The following CADM2 variants were observed in gnomAD, a reference collection of about 807,000 sequenced individuals.
The protein encoded by CADM2 is immunoglobulin superfamily member 4D.
CADM2 carries 12 observed loss-of-function variants against 49.8 expected under a neutral mutation model. The ratio of observed to expected loss-of-function variants is 0.24; its 90% CI spans 0.15 to 0.39. CADM2 has a LOEUF of 0.39. Among genes scored for constraint, CADM2 ranks in the 10% least tolerant of loss-of-function variants. CADM2 has a pLI of 1.00. For missense variants in CADM2, 378 were observed against 492.3 expected, an observed-to-expected ratio of 0.77 and a Z score of 2.20; for synonymous variants, 214 against 175.4, an observed-to-expected ratio of 1.22 and a Z score of -1.74.
chr3:85,468,205 C>G (rs1213060995), intron 1 of CADM2, among the ~76,000 whole-genome samples: 1 of 142,018 alleles, frequency 7.0e-6, no homozygotes, highest in African/African-American at 2.7e-5. Context: ...AAACTAATAT[C>G]GATTCCTGGC....
At chr3:85,651,284 T>C (rs2065035463) in intron 1 of CADM2, among the ~76,000 whole-genome samples, 2 of 152,124 alleles carry the variant, frequency 1.3e-5, no homozygotes, top group South Asian at 4.1e-4. Flanking sequence ...TTTGTTGATG[T>C]TGTAGGTCAA....
chr3:85,688,167 C>T (rs147827394), intron 1 of CADM2, among the ~76,000 whole-genome samples: 1 of 152,238 alleles, frequency 6.6e-6, no homozygotes, highest in Non-Finnish European at 1.5e-5. Context: ...CTTGATTTCA[C>T]AGAGAGCCAA....
At chr3:85,247,074 G>A (rs766611840) in intron 1 of CADM2, among the ~76,000 whole-genome samples, 3 of 151,922 alleles carry the variant, frequency 2.0e-5, no homozygotes, top group Non-Finnish European at 4.4e-5. Flanking sequence ...AAAATTAGGA[G>A]CTTATTGTTA....
At chr3:85,511,830 G>A (rs1315033629) in intron 1 of CADM2, 1 of 964,568 alleles carries the variant, frequency 1.0e-6, no homozygotes, top group East Asian at 1.1e-4. Context: ...TGAAACTAAT[G>A]GCATGTTTTA....
intron 7 of CADM2, among the ~76,000 whole-genome samples, chr3:85,960,133 CTT>C (rs1185947959): frequency 6.6e-6 from 1 of 151,896 alleles, no homozygotes; most frequent in African/African-American, 2.4e-5. Context: ...TACTTAAACA[CTT>C]GATCAGTTCC....
intron 1 of CADM2, among the ~76,000 whole-genome samples, chr3:85,519,192 A>G (rs555386343): frequency 8.5e-5 from 13 of 152,274 alleles, no homozygotes; most frequent in Admixed American, 7.9e-4. Flanking sequence ...TTGTTTGGAA[A>G]TGATGGCAGT....
chr3:85,123,579 T>A (rs1323442129), intron 1 of CADM2, among the ~76,000 whole-genome samples: 2 of 152,106 alleles, frequency 1.3e-5, no homozygotes, highest in Non-Finnish European at 2.9e-5. Flanking sequence ...AGTGGATGAT[T>A]TTCTTTCCCT....
intron 1 of CADM2, among the ~76,000 whole-genome samples, chr3:85,014,119 T>C (rs2034137441): frequency 6.8e-6 from 1 of 147,442 alleles, no homozygotes; most frequent in Admixed American, 6.9e-5. Flanking sequence ...ATACGCAGTG[T>C]AATATTGTAT....
At chr3:85,326,041 G>T (rs797009533) in intron 1 of CADM2, among the ~76,000 whole-genome samples, 5 of 152,272 alleles carry the variant, frequency 3.3e-5, no homozygotes, top group African/African-American at 1.2e-4. Flanking sequence ...CAACCAAAGT[G>T]TAAGTAGGAA....
At chr3:85,615,281 A>G (rs985386553) in intron 1 of CADM2, among the ~76,000 whole-genome samples, 4 of 151,998 alleles carry the variant, frequency 2.6e-5, no homozygotes, top group African/African-American at 7.2e-5. Flanking sequence ...AAGGAAACAC[A>G]TAGTTCTCAG....
chr3:85,601,138 A>G (rs200256651), intron 1 of CADM2, among the ~76,000 whole-genome samples: 25,906 of 88,946 alleles, frequency 0.29, 3,575 homozygotes, highest in South Asian at 0.42. Context: ...GTGTATATAT[A>G]TATATATATA....
chr3:85,804,397 C>A (rs1427210768), intron 3 of CADM2, among the ~76,000 whole-genome samples: 1 of 152,106 alleles, frequency 6.6e-6, no homozygotes, highest in Non-Finnish European at 1.5e-5. Context: ...TGCTTATTAG[C>A]AGTTTTTGAA....
chr3:85,396,052 T>A (rs1260211584), intron 1 of CADM2, among the ~76,000 whole-genome samples: 1 of 150,590 alleles, frequency 6.6e-6, no homozygotes, highest in African/African-American at 2.4e-5. Context: ...AATGATAATT[T>A]ATAAAATAAA....
intron 3 of CADM2, among the ~76,000 whole-genome samples, chr3:85,809,721 T>C (rs1468268391): frequency 2.3e-4 from 10 of 43,082 alleles, no homozygotes; most frequent in African/African-American, 1.0e-3. Context: ...CCTTCCTTCG[T>C]TCCTTCCCTC....
intron 1 of CADM2, among the ~76,000 whole-genome samples, chr3:85,636,293 A>T (rs1243233799): frequency 6.6e-6 from 1 of 152,188 alleles, no homozygotes; most frequent in African/African-American, 2.4e-5. Context: ...GCCTAGGCTA[A>T]TGTGTGTGTT....
chr3:85,728,470 A>C (rs1015770748), intron 2 of CADM2, among the ~76,000 whole-genome samples: 1 of 152,182 alleles, frequency 6.6e-6, no homozygotes, highest in Non-Finnish European at 1.5e-5. Context: ...TATTATGTAG[A>C]GATAATAGAA....
At chr3:86,054,977 A>G (rs1737748291) in intron 8 of CADM2, among the ~76,000 whole-genome samples, 1 of 152,118 alleles carries the variant, frequency 6.6e-6, no homozygotes, top group African/African-American at 2.4e-5. Flanking sequence ...GGTATTGTTG[A>G]CATTGAAGGC....
At chr3:85,794,493 A>T (rs969396642) in intron 2 of CADM2, among the ~76,000 whole-genome samples, 4 of 152,220 alleles carry the variant, frequency 2.6e-5, no homozygotes, top group Non-Finnish European at 5.9e-5. Context: ...TACACAAATG[A>T]TAAGAGGAAG....
At chr3:85,874,507 C>T (rs1711547832) in intron 3 of CADM2, among the ~76,000 whole-genome samples, 1 of 152,036 alleles carries the variant, frequency 6.6e-6, no homozygotes, top group Non-Finnish European at 1.5e-5. Context: ...CACATGGCTA[C>T]ATATGGTGAT....
Sources: gnomAD v4.1 joint callset for allele counts (sites outside exome capture counted in the v4.1 genomes callset) on GRCh38, gnomAD v4.1.1 for gene constraint, MANE v1.5 for transcripts, NCBI Gene and HGNC (gene_info 2026-07-23, HGNC 2026-07-21) for gene names.